Variants in DLGAP2 observed in about 807,000 individuals in gnomAD.
DLGAP2 encodes the protein DLG associated protein 2.
Under a neutral mutation model 100.3 loss-of-function variants are expected in DLGAP2, and 26 were observed. The ratio of observed to expected loss-of-function variants is 0.26; its 90% CI spans 0.19 to 0.36. DLGAP2 has a LOEUF of 0.36. Ranked by LOEUF, DLGAP2 falls within the 10% of genes least tolerant of loss-of-function variation. The pLI, the probability that DLGAP2 is intolerant of heterozygous loss-of-function variation, is 1.00. For missense variants in DLGAP2, 1,858 were observed against 1,453.2 expected (o/e 1.28, Z -4.53); for synonymous variants, 886 against 630.1 (o/e 1.41, Z -6.08).
At chr8:1,484,468 C>T (rs1799187067) in intron 3 of DLGAP2, among the ~76,000 whole-genome samples, 1 of 152,244 alleles carries the variant, frequency 6.6e-6, no homozygotes. Context: ...GACGGCTCTG[C>T]CCCAGAGCGG....
Position 1,549,427 on chromosome 8 carries a change from A to G in DLGAP2, c.974A>G (p.His325Arg). 6.2e-7 allele frequency: 1 copy of G among 1,613,440 alleles called. No homozygotes were observed. The highest frequency in any genetic ancestry group is 1.7e-4 in the Middle Eastern group (1 of 6,060). ...LNRHHLGPVA[H>R]CYPDALQSPF... ...CGGCACCACCTGGGCCCCGTGGCCC[A>G]CTGCTACCCCGACGCGCTGCAGAGC... The change falls in exon 5 of 15, where the codon CAC (histidine) becomes CGC (arginine). Residue 325 changes from histidine to arginine, a missense_variant. By Grantham distance (29) the His-to-Arg change is conservative. Coordinates refer to ENST00000637795, the MANE Select transcript of DLGAP2 (RefSeq NM_001346810.2).
At chr8:1,155,281 C>G (rs1796760735) in intron 2 of DLGAP2, among the ~76,000 whole-genome samples, 1 of 152,156 alleles carries the variant, frequency 6.6e-6, no homozygotes, top group African/African-American at 2.4e-5. Flanking sequence ...ACTCCGTCTT[C>G]CCGGAGGGAG....
intron 3 of DLGAP2, among the ~76,000 whole-genome samples, chr8:1,358,485 A>C (rs1801905239): frequency 6.6e-6 from 1 of 152,150 alleles, no homozygotes; most frequent in African/African-American, 2.4e-5. Context: ...ATGTGAGGCA[A>C]GGGCTGCGTT....
intron 2 of DLGAP2, among the ~76,000 whole-genome samples, chr8:1,143,405 T>C (rs1796554840): frequency 6.6e-6 from 1 of 152,206 alleles, no homozygotes; most frequent in South Asian, 2.1e-4. Context: ...TTAATATCTC[T>C]ATCAAACTTT....
chr8:1,076,623 C>G (rs1803621285), intron 2 of DLGAP2, among the ~76,000 whole-genome samples: 2 of 152,202 alleles, frequency 1.3e-5, no homozygotes, highest in African/African-American at 4.8e-5. Flanking sequence ...ACTTTGCGGT[C>G]TGTACGTCTC....
At chr8:1,278,941 C>T (rs1799760904) in intron 3 of DLGAP2, among the ~76,000 whole-genome samples, 1 of 152,094 alleles carries the variant, frequency 6.6e-6, no homozygotes, top group African/African-American at 2.4e-5. Context: ...CATGATGGTA[C>T]ATGAGTAAAG....
chr8:1,663,450 C>T (rs1321411230), intron 8 of DLGAP2, among the ~76,000 whole-genome samples: 6 of 152,026 alleles, frequency 3.9e-5, no homozygotes, highest in Admixed American at 2.6e-4. Flanking sequence ...CTTCGTGGGA[C>T]GCCGGACACC....
chr8:1,164,491 G>A (rs937275005), intron 2 of DLGAP2, among the ~76,000 whole-genome samples: 7 of 152,088 alleles, frequency 4.6e-5, no homozygotes, highest in African/African-American at 1.7e-4. Flanking sequence ...TGTTGGGGGA[G>A]TTAACCAGGT....
chr8:1,320,532 C>G (rs1377209257), intron 3 of DLGAP2, among the ~76,000 whole-genome samples: 1 of 152,140 alleles, frequency 6.6e-6, no homozygotes, highest in African/African-American at 2.4e-5. Flanking sequence ...AGCCGTGGGT[C>G]CCACGTGATG....
At chr8:1,156,204 C>G (rs887044611) in intron 2 of DLGAP2, among the ~76,000 whole-genome samples, 9 of 152,278 alleles carry the variant, frequency 5.9e-5, no homozygotes, top group Admixed American at 4.6e-4. Flanking sequence ...CTCCCTCTGC[C>G]GCCGGGAGCG....
At chr8:1,581,148 A>G (rs1035956731) in intron 6 of DLGAP2, among the ~76,000 whole-genome samples, 5 of 151,364 alleles carry the variant, frequency 3.3e-5, no homozygotes, top group African/African-American at 9.7e-5. Context: ...ACCACAGTCA[A>G]ACTACCAGAA....
intron 3 of DLGAP2, among the ~76,000 whole-genome samples, chr8:1,365,358 C>G (rs1409385159): frequency 1.3e-5 from 2 of 152,176 alleles, no homozygotes; most frequent in East Asian, 3.9e-4. Context: ...GAAACAGGCA[C>G]AGGGGAGCAG....
At chr8:1,127,687 A>T (rs1796199462) in intron 2 of DLGAP2, among the ~76,000 whole-genome samples, 1 of 152,144 alleles carries the variant, frequency 6.6e-6, no homozygotes, top group South Asian at 2.1e-4. Flanking sequence ...GAGAGATGAG[A>T]GTGTTCCGGC....
At position 1,119,245 on chromosome 8, in the gene DLGAP2, CT is replaced by C. The variant is rs540033794; in HGVS notation, c.74-139602del. 4.3e-4 allele frequency among the ~76,000 whole-genome samples: 65 copies of C among 152,340 alleles called. No individual in the cohort carries two copies. The South Asian group carries it at 8.7e-3, about 20-fold the overall frequency. On this transcript the variant is annotated intron_variant, in intron 2 of 14. Coordinates refer to ENST00000637795, the MANE Select transcript of DLGAP2 (RefSeq NM_001346810.2). Reference sequence around the variant, plus strand: ...CGTAAATTTTAAGTAGGTTTGGAATCTTTTGTAGGACTACTTTTATTTCAGC... The same window carrying C: ...CGTAAATTTTAAGTAGGTTTGGAATCTTTGTAGGACTACTTTTATTTCAGC...
chr8:1,636,832 G>C (rs1797777990), intron 8 of DLGAP2, among the ~76,000 whole-genome samples: 1 of 152,218 alleles, frequency 6.6e-6, no homozygotes, highest in South Asian at 2.1e-4. Context: ...AAAAAGTAGA[G>C]AATTTAAAGG....
At chr8:1,279,284 A>G (rs1189496575) in intron 3 of DLGAP2, among the ~76,000 whole-genome samples, 1 of 152,184 alleles carries the variant, frequency 6.6e-6, no homozygotes, top group Admixed American at 6.5e-5. Flanking sequence ...ATGTTCTAGA[A>G]TCTTCTTCAC....
At chr8:1,217,734 A>G (rs559756388) in intron 2 of DLGAP2, among the ~76,000 whole-genome samples, 28 of 152,230 alleles carry the variant, frequency 1.8e-4, no homozygotes, top group African/African-American at 6.7e-4. Context: ...AGTAGTGGGA[A>G]TATAAATTAA....
intron 2 of DLGAP2, among the ~76,000 whole-genome samples, chr8:1,240,188 G>A: frequency 6.9e-6 from 1 of 144,270 alleles, no homozygotes; most frequent in Non-Finnish European, 1.5e-5. Flanking sequence ...CTCACACAGA[G>A]TATCGTGTCT....
At chr8:1,538,672 T>A (rs6558481) in intron 4 of DLGAP2, among the ~76,000 whole-genome samples, 2 of 151,964 alleles carry the variant, frequency 1.3e-5, no homozygotes, top group African/African-American at 4.8e-5. Context: ...GCCCTGGCCC[T>A]CTTTTCTAGG....
Sources: gnomAD v4.1 joint callset for allele counts (sites outside exome capture counted in the v4.1 genomes callset) on GRCh38, gnomAD v4.1.1 for gene constraint, MANE v1.5 for transcripts, NCBI Gene and HGNC (gene_info 2026-07-23, HGNC 2026-07-21) for gene names.